NFIB: variants seen among roughly 807,000 people sequenced by gnomAD.
NFIB encodes nuclear factor I B, also known as nuclear factor 1 B-type.
NFIB carries 11 observed loss-of-function variants against 61.5 expected under a neutral mutation model. The ratio of observed to expected loss-of-function variants is 0.18; its 90% CI spans 0.11 to 0.30. NFIB has a LOEUF of 0.30. Ranked by LOEUF, NFIB falls within the 10% of genes least tolerant of loss-of-function variation. The pLI is 1.00. For missense variants in NFIB, 471 were observed against 608.9 expected, an observed-to-expected ratio of 0.77 and a Z score of 2.38; for synonymous variants, 260 against 216.5, an observed-to-expected ratio of 1.20 and a Z score of -1.76.
At position 14,083,275 on chromosome 9, in the gene NFIB, G is replaced by T. The variant is rs985088277; in HGVS notation, c.*5034C>A. The T allele has an allele frequency of 1.3e-5, 3 of 225,542 alleles. No individual in the cohort carries two copies. Among genetic ancestry groups the T allele is most frequent in the Non-Finnish European group, 2.7e-5 (3 of 113,074 alleles). The allele number at this position is 225,542 out of a possible 1,614,324, so 14.0% of individuals were successfully genotyped here. A position where few individuals can be genotyped will look rare whatever the true frequency, so the allele number is the denominator to read the frequency against. On this transcript the variant is annotated 3_prime_UTR_variant, in exon 11 of 11. Transcript: ENST00000380953. Reference sequence around the variant, plus strand: ...GTTTGGCTGATGCAAAGGTCATTGTGCAGGGTCAAAGGGCAAAATCAGTGG... The same window carrying T: ...GTTTGGCTGATGCAAAGGTCATTGTTCAGGGTCAAAGGGCAAAATCAGTGG...
At chr9:14,367,444 G>A (rs1479744341) in intron 1 of NFIB, among the ~76,000 whole-genome samples, 1 of 151,928 alleles carries the variant, frequency 6.6e-6, no homozygotes, top group Non-Finnish European at 1.5e-5. Context: ...GGGATCAGAG[G>A]TGTGAAACAG....
intron 2 of NFIB, among the ~76,000 whole-genome samples, chr9:14,268,169 C>G (rs567130112): frequency 6.6e-6 from 1 of 151,260 alleles, no homozygotes; most frequent in East Asian, 1.9e-4. Context: ...ATGGAGAAGA[C>G]AAAGATAATA....
chr9:14,518,239 TG>T, the NFIB span, among the ~76,000 whole-genome samples: 1 of 152,174 alleles, frequency 6.6e-6, no homozygotes, highest in Non-Finnish European at 1.5e-5. Flanking sequence ...TCTCAATCTA[TG>T]GCCATGGCCC....
At chr9:14,325,929 G>T (rs1385970358) in intron 1 of NFIB, among the ~76,000 whole-genome samples, 1 of 152,004 alleles carries the variant, frequency 6.6e-6, no homozygotes, top group Non-Finnish European at 1.5e-5. Flanking sequence ...AATTTAAAAT[G>T]CATATTGTAT....
chr9:14,223,567 T>C (rs975654615), intron 2 of NFIB, among the ~76,000 whole-genome samples: 4 of 152,192 alleles, frequency 2.6e-5, no homozygotes, highest in Admixed American at 6.5e-5. Context: ...ACTCTTTTTA[T>C]ACCTCAAGTT....
At chr9:14,254,832 T>C (rs1432089734) in intron 2 of NFIB, among the ~76,000 whole-genome samples, 1 of 152,194 alleles carries the variant, frequency 6.6e-6, no homozygotes, top group Non-Finnish European at 1.5e-5. Flanking sequence ...TATATGTGCA[T>C]TTACAAGCAA....
intron 2 of NFIB, among the ~76,000 whole-genome samples, chr9:14,232,688 C>T (rs2053330766): frequency 6.6e-6 from 1 of 152,196 alleles, no homozygotes; most frequent in South Asian, 2.1e-4. Context: ...ACCTTGGAAA[C>T]TTTCAAATGA....
the NFIB span, among the ~76,000 whole-genome samples, chr9:14,459,285 A>T: frequency 6.6e-6 from 1 of 152,212 alleles, no homozygotes; most frequent in Non-Finnish European, 1.5e-5. Flanking sequence ...TCTATTTCGT[A>T]AATGGTGCTG....
chr9:14,527,147 C>T, the NFIB span, among the ~76,000 whole-genome samples: 1 of 151,650 alleles, frequency 6.6e-6, no homozygotes, highest in African/African-American at 2.4e-5. Context: ...TAAAATGGTA[C>T]CACAAATGAA....
chr9:14,268,059 T>C (rs1452736751), intron 2 of NFIB, among the ~76,000 whole-genome samples: 3 of 149,964 alleles, frequency 2.0e-5, no homozygotes, highest in African/African-American at 7.4e-5. Flanking sequence ...CACTTGAACC[T>C]GGGAGGTGGA....
chr9:14,498,118 G>C, the NFIB span, among the ~76,000 whole-genome samples: 2 of 152,192 alleles, frequency 1.3e-5, no homozygotes, highest in African/African-American at 4.8e-5. Context: ...TTATGAGTAA[G>C]CAAAACTAAG....
chr9:14,136,937 T>C (rs543987319), intron 6 of NFIB, among the ~76,000 whole-genome samples: 16 of 152,270 alleles, frequency 1.1e-4, no homozygotes, highest in South Asian at 8.3e-4. Flanking sequence ...ATATTTTTTT[T>C]CTCCAACAAA....
intron 2 of NFIB, among the ~76,000 whole-genome samples, chr9:14,190,569 A>T (rs1262609447): frequency 6.6e-6 from 1 of 152,216 alleles, no homozygotes; most frequent in East Asian, 1.9e-4. Context: ...ATATACCAGG[A>T]ATAAAACTAC....
intron 2 of NFIB, among the ~76,000 whole-genome samples, chr9:14,206,321 T>G (rs1408655298): frequency 6.6e-6 from 1 of 151,872 alleles, no homozygotes; most frequent in Non-Finnish European, 1.5e-5. Flanking sequence ...GGACCACAGA[T>G]GCACCTGGCT....
At chr9:14,145,349 C>G (rs1051712395) in intron 6 of NFIB, among the ~76,000 whole-genome samples, 1 of 152,142 alleles carries the variant, frequency 6.6e-6, no homozygotes, top group Non-Finnish European at 1.5e-5. Flanking sequence ...TAGTTAAAAT[C>G]TCAAGGAGAT....
intron 2 of NFIB, among the ~76,000 whole-genome samples, chr9:14,188,261 T>C (rs1335775991): frequency 6.6e-6 from 1 of 152,234 alleles, no homozygotes; most frequent in Non-Finnish European, 1.5e-5. Flanking sequence ...CAATCCTTGC[T>C]TAGTTTTTAA....
chr9:14,275,970 C>G (rs1336994604), intron 2 of NFIB, among the ~76,000 whole-genome samples: 1 of 151,764 alleles, frequency 6.6e-6, no homozygotes, highest in Non-Finnish European at 1.5e-5. Flanking sequence ...TTACCCTTAA[C>G]CAAAAATGAA....
chr9:14,510,036 C>G, the NFIB span, among the ~76,000 whole-genome samples: 1 of 152,082 alleles, frequency 6.6e-6, no homozygotes, highest in East Asian at 1.9e-4. Context: ...AGCTGGGATA[C>G]AGGAGCATGC....
In NFIB at chr9:14,346,365, G is replaced by A. The variant is rs189603091; in HGVS notation, c.109-38845C>T. ...TGCCCCTGGGAACGTCGCTCCGGACGGGCGTCATCTGCCACGTGTGATAGG... is the reference window on the plus strand; with the variant it reads ...TGCCCCTGGGAACGTCGCTCCGGACAGGCGTCATCTGCCACGTGTGATAGG... On this transcript the variant is annotated intron_variant, in intron 1 of 8. Coordinates refer to the NFIB transcript ENST00000380934. Among the ~76,000 whole-genome samples, 58 of 146,522 alleles carry A rather than the reference G, an allele frequency of 4.0e-4. 1 individual carries two copies. In the East Asian group the frequency reaches 9.2e-3, roughly 23 times the overall value.
Sources: allele counts gnomAD v4.1 joint callset (sites outside exome capture counted in the v4.1 genomes callset), GRCh38; gene constraint gnomAD v4.1.1; transcripts MANE v1.5; gene names NCBI Gene and HGNC (gene_info 2026-07-23, HGNC 2026-07-21).